The following LHPP variants were observed in gnomAD, a reference collection of about 807,000 sequenced individuals.
The protein encoded by LHPP is phospholysine phosphohistidine inorganic pyrophosphate phosphatase, also known as hLHPP.
LHPP carries 24 observed loss-of-function variants against 30.3 expected under a neutral mutation model. The observed-to-expected ratio is 0.79, with a 90% CI of 0.57 to 1.11. The LOEUF (loss-of-function observed/expected upper bound fraction) is 1.11, where lower values mean the gene tolerates loss of function less well. Among genes scored for constraint, LHPP ranks in the 50% most tolerant of loss-of-function variants. LHPP has a pLI of 0.00. For synonymous variants in LHPP, 150 were observed against 157.1 expected, an observed-to-expected ratio of 0.95 and a Z score of 0.34; for missense variants, 356 against 367.2, an observed-to-expected ratio of 0.97 and a Z score of 0.25.
chr10:124,509,788 C>T (rs1390634699), intron 5 of LHPP, among the ~76,000 whole-genome samples: 1 of 152,064 alleles, frequency 6.6e-6, no homozygotes, highest in African/African-American at 2.4e-5. Flanking sequence ...AGACACTGAG[C>T]TCACTCCACC....
intron 1 of LHPP, among the ~76,000 whole-genome samples, chr10:124,477,864 C>A (rs1200569733): frequency 6.6e-6 from 1 of 152,216 alleles, no homozygotes; most frequent in Non-Finnish European, 1.5e-5. Context: ...GGATTCCCTG[C>A]AGCCCTATGT....
intron 1 of LHPP, among the ~76,000 whole-genome samples, chr10:124,471,143 G>A (rs939951028): frequency 6.6e-6 from 1 of 151,602 alleles, no homozygotes; most frequent in African/African-American, 2.4e-5. Flanking sequence ...CTTTTCCTTC[G>A]TATTCCTCAA....
At chr10:124,569,711 C>T (rs184674005) in intron 6 of LHPP, among the ~76,000 whole-genome samples, 1 of 152,260 alleles carries the variant, frequency 6.6e-6, no homozygotes, top group Non-Finnish European at 1.5e-5. Context: ...TCACAGATGC[C>T]ATGAAGGCTG....
intron 6 of LHPP, among the ~76,000 whole-genome samples, chr10:124,606,748 C>T (rs1048999221): frequency 6.6e-6 from 1 of 152,158 alleles, no homozygotes; most frequent in African/African-American, 2.4e-5. Context: ...GGAGGAGCAG[C>T]GCTGTGACCC....
At chr10:124,464,459 G>T in intron 1 of LHPP, among the ~76,000 whole-genome samples, 1 of 152,210 alleles carries the variant, frequency 6.6e-6, no homozygotes, top group East Asian at 1.9e-4. Context: ...TGGGAGGCTG[G>T]GAACTGGGAA....
At chr10:124,484,117 G>A in intron 1 of LHPP, 22 bp from the exon 2 acceptor site, 2 of 1,611,080 alleles carry the variant, frequency 1.2e-6, no homozygotes, top group East Asian at 2.2e-5. Context: ...GACTTCCCGG[G>A]CCTGTGTCTC....
At chr10:124,530,026 G>T (rs979307521) in intron 6 of LHPP, among the ~76,000 whole-genome samples, 15 of 151,818 alleles carry the variant, frequency 9.9e-5, no homozygotes, top group Admixed American at 2.6e-4. Flanking sequence ...CAGGCCACCC[G>T]CATGCATCCC....
chr10:124,539,875 C>T (rs1271325346), intron 6 of LHPP, among the ~76,000 whole-genome samples: 2 of 152,164 alleles, frequency 1.3e-5, no homozygotes, highest in Non-Finnish European at 2.9e-5. Context: ...GCACTCCAGC[C>T]TGGGCGACAG....
intron 6 of LHPP, among the ~76,000 whole-genome samples, chr10:124,546,464 G>A (rs1031909200): frequency 7.2e-5 from 11 of 152,266 alleles, no homozygotes; most frequent in African/African-American, 2.4e-4. Context: ...GTGCAGTGGC[G>A]CGATCTCGGC....
At chr10:124,493,556 A>C (rs1157259039) in intron 3 of LHPP, among the ~76,000 whole-genome samples, 1 of 152,238 alleles carries the variant, frequency 6.6e-6, no homozygotes, top group African/African-American at 2.4e-5. Context: ...GCTCTCAGAA[A>C]ATTAAGCTGT....
intron 6 of LHPP, among the ~76,000 whole-genome samples, chr10:124,527,092 C>T (rs1004343676): frequency 1.1e-4 from 17 of 152,178 alleles, no homozygotes; most frequent in Admixed American, 8.5e-4. Context: ...TGGAGTCTCA[C>T]CTGAGCCCTC....
intron 6 of LHPP, among the ~76,000 whole-genome samples, chr10:124,522,401 G>A (rs1004142844): frequency 1.3e-5 from 2 of 152,174 alleles, no homozygotes; most frequent in Admixed American, 6.5e-5. Context: ...TGTCTCCTCC[G>A]TGGGGGGTCC....
intron 5 of LHPP, among the ~76,000 whole-genome samples, chr10:124,508,085 A>G (rs1235557555): frequency 1.3e-5 from 2 of 151,926 alleles, no homozygotes; most frequent in South Asian, 4.1e-4. Context: ...AGTCCTGACT[A>G]TAGGGGTCTG....
chr10:124,601,063 C>T (rs1177703350), intron 6 of LHPP, among the ~76,000 whole-genome samples: 1 of 152,142 alleles, frequency 6.6e-6, no homozygotes, highest in East Asian at 1.9e-4. Flanking sequence ...GGGAAGACTT[C>T]CTGGAGGAGG....
At chr10:124,570,459 T>G (rs1948566075) in intron 6 of LHPP, among the ~76,000 whole-genome samples, 1 of 152,246 alleles carries the variant, frequency 6.6e-6, no homozygotes, top group Non-Finnish European at 1.5e-5. Flanking sequence ...AGGTTTTTAA[T>G]TTTGTAATTG....
intron 6 of LHPP, among the ~76,000 whole-genome samples, chr10:124,548,050 AGCTCCCTTTGT>A (rs1955396575): frequency 6.6e-6 from 1 of 152,212 alleles, no homozygotes; most frequent in South Asian, 2.1e-4. Flanking sequence ...CCGGTCAGCA[AGCTCCCTTTGT>A]CTCTAGGGGA....
chr10:124,484,210 G>A lies in LHPP; in HGVS notation c.197G>A (p.Gly66Glu). 1.2e-6 allele frequency: 2 copies of A among 1,614,118 alleles called. No individual in the cohort carries two copies. Among genetic ancestry groups the A allele is most frequent in the Non-Finnish European group, 8.5e-7 (1 of 1,180,008 alleles). ...ESQKSRAELV[G>E]QLQRLGFDIS... ...CAGAAGTCCCGGGCAGAGCTGGTGG[G>A]GCAGCTTCAGAGGCTGGGATTTGAC... Residue 66 changes from glycine (G) to glutamate (E), a missense_variant, in exon 2 of 7, where the codon GGG becomes GAG. Physicochemically the swap from Gly to Glu is moderately conservative, Grantham distance 98. Coordinates refer to ENST00000368842, the MANE Select transcript of LHPP (RefSeq NM_022126.4).
chr10:124,600,259 C>T (rs749455750), intron 6 of LHPP, among the ~76,000 whole-genome samples: 7 of 152,236 alleles, frequency 4.6e-5, no homozygotes, highest in Admixed American at 3.3e-4. Context: ...GGCGCAGCCC[C>T]GGCTTCTGTG....
intron 6 of LHPP, among the ~76,000 whole-genome samples, chr10:124,565,899 A>G (rs10901761): frequency 0.24 from 36,565 of 152,194 alleles, 5,075 homozygotes; most frequent in East Asian, 0.31. Context: ...GCAGGAGCTA[A>G]GGAGAAATCC....
Sources: allele counts gnomAD v4.1 joint callset (sites outside exome capture counted in the v4.1 genomes callset), GRCh38; gene constraint gnomAD v4.1.1; transcripts MANE v1.5; gene names NCBI Gene and HGNC (gene_info 2026-07-23, HGNC 2026-07-21).